The following LCMT1 variants were observed in gnomAD, a reference collection of about 807,000 sequenced individuals.
The protein encoded by LCMT1 is leucine carboxyl methyltransferase 1.
In LCMT1, 32 loss-of-function variants were observed where a neutral mutation model predicts 47.7. That is an observed-to-expected ratio of 0.67 (90% confidence interval 0.51 to 0.90). LCMT1 has a LOEUF of 0.90. Ranked by LOEUF, LCMT1 falls within the 40% of genes least tolerant of loss-of-function variation. The pLI is 0.00. For synonymous variants in LCMT1, 152 were observed against 149.7 expected (o/e 1.02, Z -0.11); for missense variants, 375 against 415.2 (o/e 0.90, Z 0.84).
intron 2 of LCMT1, among the ~76,000 whole-genome samples, chr16:25,130,247 G>A (rs1488555190): frequency 6.6e-6 from 1 of 151,492 alleles, no homozygotes; most frequent in African/African-American, 2.4e-5. Context: ...GGCTGAGGCA[G>A]GAGAATGGCG....
chr16:25,165,413 G>A (rs542451689), intron 7 of LCMT1, among the ~76,000 whole-genome samples: 21 of 152,286 alleles, frequency 1.4e-4, no homozygotes, highest in African/African-American at 5.1e-4. Context: ...AGGCAGCACA[G>A]CTTAGTGATT....
intron 5 of LCMT1, among the ~76,000 whole-genome samples, chr16:25,154,475 CA>C (rs1323406136): frequency 6.7e-6 from 1 of 150,056 alleles, no homozygotes; most frequent in African/African-American, 2.4e-5. Context: ...CGCTTCATAA[CA>C]CATGGATGTG....
At chr16:25,131,498 C>G (rs1363798556) in intron 2 of LCMT1, among the ~76,000 whole-genome samples, 1 of 152,176 alleles carries the variant, frequency 6.6e-6, no homozygotes, top group Non-Finnish European at 1.5e-5. Flanking sequence ...AAATGACATA[C>G]AATGTACAAT....
chr16:25,162,315 G>A (rs1197512019), intron 6 of LCMT1, among the ~76,000 whole-genome samples: 2 of 152,078 alleles, frequency 1.3e-5, no homozygotes, highest in Non-Finnish European at 2.9e-5. Context: ...TAGGCTGGGC[G>A]TGGTGCCTCA....
intron 3 of LCMT1, among the ~76,000 whole-genome samples, chr16:25,138,829 T>TGA (rs1208397321): frequency 6.6e-6 from 1 of 152,236 alleles, no homozygotes; most frequent in Non-Finnish European, 1.5e-5. Flanking sequence ...GATCCCCGTG[T>TGA]GATAATTTTA....
chr16:25,123,831 A>T (rs561272517), intron 1 of LCMT1, among the ~76,000 whole-genome samples: 4 of 151,062 alleles, frequency 2.6e-5, no homozygotes, highest in Non-Finnish European at 4.4e-5. Flanking sequence ...CTGGTCTCGA[A>T]CTCCTGACCT....
In LCMT1 at chr16:25,132,403, A is replaced by T. The variant is rs1960374860; in HGVS notation, c.207A>T (p.Gly69=). 1 of 1,613,320 alleles carries T rather than the reference A, an allele frequency of 6.2e-7. No individual in the cohort carries two copies. Among genetic ancestry groups the T allele is most frequent in the Non-Finnish European group, 8.5e-7 (1 of 1,179,764 alleles). Residue 69 remains glycine, a splice_region_variant and synonymous_variant, in exon 3 of 11, where the codon GGA becomes GGT. Coordinates refer to ENST00000399069, the MANE Select transcript of LCMT1 (RefSeq NM_016309.3). ...KERKAPEINR[G]YFARVHGVSQ... ...TTCTGTGCCTCCCCTCCCCCCTAGG[A>T]TATTTTGCTCGAGTCCATGGTGTCA...
At chr16:25,139,031 C>A (rs908747952) in intron 3 of LCMT1, among the ~76,000 whole-genome samples, 1 of 152,068 alleles carries the variant, frequency 6.6e-6, no homozygotes, top group South Asian at 2.1e-4. Context: ...CCTCCGTTTC[C>A]CGGGTTCAAG....
At chr16:25,170,197 G>A (rs1489903261) in intron 8 of LCMT1, among the ~76,000 whole-genome samples, 2 of 152,008 alleles carry the variant, frequency 1.3e-5, no homozygotes, top group Non-Finnish European at 2.9e-5. Context: ...TCCAGCCTGG[G>A]CAACAGAGTG....
chr16:25,130,881 G>C (rs750310469), intron 2 of LCMT1, among the ~76,000 whole-genome samples: 11 of 152,230 alleles, frequency 7.2e-5, no homozygotes, highest in Admixed American at 1.3e-4. Flanking sequence ...GCCTGAATGT[G>C]TTAAGTCCCC....
chr16:25,136,566 A>G (rs906409030), intron 3 of LCMT1, among the ~76,000 whole-genome samples: 5 of 151,420 alleles, frequency 3.3e-5, no homozygotes, highest in Admixed American at 2.0e-4. Context: ...GCACCCATCA[A>G]CCCGTCAGAG....
intron 4 of LCMT1, chr16:25,146,578 C>T (rs557246130): frequency 6.6e-6 from 1 of 152,390 alleles, no homozygotes; most frequent in African/African-American, 2.4e-5. Context: ...TGGTCAGTCT[C>T]CTCTTCTTAC....
At chr16:25,114,520 C>A (rs540822375) in intron 1 of LCMT1, among the ~76,000 whole-genome samples, 2 of 152,120 alleles carry the variant, frequency 1.3e-5, no homozygotes, top group Non-Finnish European at 2.9e-5. Context: ...CTCTCCTTCC[C>A]TTCTCTGCTC....
intron 5 of LCMT1, among the ~76,000 whole-genome samples, chr16:25,152,638 G>A (rs1391914224): frequency 5.9e-5 from 9 of 152,090 alleles, no homozygotes; most frequent in Non-Finnish European, 7.3e-5. Context: ...ACTAGAAGAC[G>A]TGGTAACATT....
chr16:25,132,943 G>A (rs971081131), intron 3 of LCMT1, among the ~76,000 whole-genome samples: 3 of 149,600 alleles, frequency 2.0e-5, no homozygotes, highest in East Asian at 3.9e-4. Context: ...TTACAGCCTC[G>A]AACTGCTGGG....
intron 3 of LCMT1, among the ~76,000 whole-genome samples, chr16:25,134,806 G>A (rs140363876): frequency 6.6e-6 from 1 of 152,250 alleles, no homozygotes; most frequent in Non-Finnish European, 1.5e-5. Flanking sequence ...TTACTGTGTT[G>A]GCCAGGCTGG....
chr16:25,148,905 G>C (rs1375993591), intron 4 of LCMT1: 1 of 152,268 alleles, frequency 6.6e-6, no homozygotes, highest in Non-Finnish European at 1.5e-5. Flanking sequence ...GCTTGTGCTT[G>C]AGCGCACGGG....
chr16:25,152,640 G>C (rs1287890444), intron 5 of LCMT1, among the ~76,000 whole-genome samples: 5 of 152,088 alleles, frequency 3.3e-5, no homozygotes, highest in Admixed American at 2.0e-4. Flanking sequence ...TAGAAGACGT[G>C]GTAACATTAG....
chr16:25,124,979 T>C (rs1230242125), intron 1 of LCMT1, among the ~76,000 whole-genome samples: 1 of 152,244 alleles, frequency 6.6e-6, no homozygotes, highest in Non-Finnish European at 1.5e-5. Flanking sequence ...CATGTGAATG[T>C]CATGGAAACT....
Sources: allele counts gnomAD v4.1 joint callset (sites outside exome capture counted in the v4.1 genomes callset), GRCh38; gene constraint gnomAD v4.1.1; transcripts MANE v1.5; gene names NCBI Gene and HGNC (gene_info 2026-07-23, HGNC 2026-07-21).